The following RYR3 variants were observed in gnomAD, a reference collection of about 807,000 sequenced individuals.
RYR3 encodes the protein brain ryanodine receptor-calcium release channel.
Under a neutral mutation model 584.3 loss-of-function variants are expected in RYR3, and 207 were observed. That is an observed-to-expected ratio of 0.35 (90% CI 0.32 to 0.40). RYR3 has a LOEUF of 0.40. Among genes scored for constraint, RYR3 ranks in the 10% least tolerant of loss-of-function variants. The probability of loss-of-function intolerance (pLI) is 1.00; values close to 1 mark genes in which losing one functional copy is unlikely to be tolerated. For synonymous variants in RYR3, 2,416 were observed against 2,248.5 expected, an observed-to-expected ratio of 1.07 and a Z score of -2.11; for missense variants, 5,616 against 6,089.2, an observed-to-expected ratio of 0.92 and a Z score of 2.59.
intron 3 of RYR3, among the ~76,000 whole-genome samples, chr15:33,507,648 A>C (rs1003453428): frequency 1.3e-5 from 2 of 152,144 alleles, no homozygotes; most frequent in Non-Finnish European, 2.9e-5. Flanking sequence ...CCTCCCTCTA[A>C]GCCCTCAATC....
intron 53 of RYR3, among the ~76,000 whole-genome samples, chr15:33,746,940 C>G (rs1031665869): frequency 1.7e-4 from 25 of 151,246 alleles, no homozygotes; most frequent in African/African-American, 6.1e-4. Context: ...TCCCAAGTAG[C>G]TGGAACTATA....
At chr15:33,607,269 GTAA>G in intron 18 of RYR3, among the ~76,000 whole-genome samples, 1 of 152,270 alleles carries the variant, frequency 6.6e-6, no homozygotes, top group African/African-American at 2.4e-5. Context: ...ACTAAATTCT[GTAA>G]TAATACACCC....
chr15:33,857,849 C>T lies in RYR3; in HGVS notation c.14077C>T (p.Arg4693Cys), dbSNP rs1037322317. Residue 4693 changes from arginine (R) to cysteine (C), a missense_variant, in exon 99 of 104, where the codon CGC (arginine) becomes TGC (cysteine). Arg to Cys is a radical substitution (Grantham distance 180). This residue lies in a region of RYR3 where 918 missense variants were observed against 887.4 expected (regional missense o/e 1.03). Transcript: ENST00000634891. ...LYTVVAFNFF[R>C]KFYNKSEDDD... is the part of the protein sequence containing the mutation. Reference sequence around the variant, plus strand: ...TACTGTGGTGGCTTTCAACTTCTTCCGCAAGTTCTACAACAAAAGCGAAGA... The same window carrying T: ...TACTGTGGTGGCTTTCAACTTCTTCTGCAAGTTCTACAACAAAAGCGAAGA... 5 of 1,614,024 alleles carry T rather than the reference C, an allele frequency of 3.1e-6. No individual in the cohort carries two copies. Among genetic ancestry groups the T allele is most frequent in the Admixed American group, 1.7e-5 (1 of 60,006 alleles).
intron 38 of RYR3, among the ~76,000 whole-genome samples, chr15:33,670,833 T>A (rs1487842432): frequency 5.9e-5 from 9 of 152,122 alleles, no homozygotes; most frequent in Non-Finnish European, 1.3e-4. Flanking sequence ...TGTAAATACA[T>A]GTCTGTTCTT....
At chr15:33,775,293 CTG>C (rs1422737842) in intron 64 of RYR3, among the ~76,000 whole-genome samples, 12 of 151,006 alleles carry the variant, frequency 7.9e-5, no homozygotes, top group Non-Finnish European at 1.3e-4. Context: ...TGTTTCTCAT[CTG>C]TGTGTTGGTT....
intron 1 of RYR3, among the ~76,000 whole-genome samples, chr15:33,358,660 A>AT: frequency 6.6e-6 from 1 of 151,932 alleles, no homozygotes; most frequent in East Asian, 1.9e-4. Flanking sequence ...ATCGTTAAAA[A>AT]AAAAAAAAAA....
At chr15:33,765,348 G>A (rs1013698400) in intron 60 of RYR3, among the ~76,000 whole-genome samples, 1 of 151,906 alleles carries the variant, frequency 6.6e-6, no homozygotes, top group African/African-American at 2.4e-5. Flanking sequence ...AAAATAGTTA[G>A]GAGGCCAGGC....
Position 33,750,295 on chromosome 15 carries a change from C to T in RYR3, c.8399+9C>T. ...GGCATCATAGTTTCCAGGTAAGTCA[C>T]CTTCCATGTGATGCTAGTGGGACAG... On this transcript the variant is annotated intron_variant, in intron 57 of 103. Coordinates refer to ENST00000634891, the MANE Select transcript of RYR3 (RefSeq NM_001036.6). 6.2e-7 allele frequency: 1 copy of T among 1,609,872 alleles called. No individual in the cohort carries two copies. Among genetic ancestry groups the T allele is most frequent in the Non-Finnish European group, 8.5e-7 (1 of 1,177,966 alleles).
At chr15:33,713,889 C>T (rs1028922902) in intron 43 of RYR3, among the ~76,000 whole-genome samples, 3 of 152,130 alleles carry the variant, frequency 2.0e-5, no homozygotes, top group Non-Finnish European at 4.4e-5. Context: ...GGGCTCTGCC[C>T]TTATGACTTA....
At chr15:33,800,943 A>G in intron 68 of RYR3, 86 bp downstream of exon 68, 1 of 961,732 alleles carries the variant, frequency 1.0e-6, no homozygotes, top group Non-Finnish European at 1.7e-6. Flanking sequence ...AGCCAACAGT[A>G]AAATATTCGA....
At chr15:33,810,780 G>A in intron 71 of RYR3, 131 bp downstream of exon 71, 2 of 1,181,498 alleles carry the variant, frequency 1.7e-6, no homozygotes, top group Non-Finnish European at 1.2e-6. Context: ...TGTGTATGGA[G>A]GCAACACGCC....
intron 38 of RYR3, among the ~76,000 whole-genome samples, chr15:33,680,269 A>G (rs1210219863): frequency 6.6e-6 from 1 of 152,232 alleles, no homozygotes; most frequent in Non-Finnish European, 1.5e-5. Context: ...TAAGAACTTC[A>G]TCTCCACATT....
At position 33,636,546 on chromosome 15, in the gene RYR3, G is replaced by T; in HGVS notation, c.3552G>T (p.Glu1184Asp). Reference protein sequence around the residue: ...SELAFADYEIENGFVPICCLG... With the variant: ...SELAFADYEIDNGFVPICCLG... ...TTGCCTTCGCTGACTACGAGATTGA[G>T]AATGGTAAATCTAACACCCTCTGCC... The change falls in exon 27 of 104, where the codon GAG becomes GAT. Residue 1184 changes from glutamate to aspartate, a missense_variant. Around this residue, in one of 9 missense-constraint regions of RYR3, gnomAD observed 152 missense variants for 200.9 expected, o/e 0.76. Transcript: ENST00000634891. The T allele has an allele frequency of 6.3e-7, 1 of 1,585,374 alleles. No homozygotes were observed. The highest frequency in any genetic ancestry group is 2.2e-5 in the East Asian group (1 of 44,678).
chr15:33,865,276 A>G lies in RYR3; in HGVS notation c.*50A>G, dbSNP rs1567375291. ...TTCTGGACAGTCAACTTCCCATGAA[A>G]TAAAGTCCCCTTTTTACAGTTCTGC... On this transcript the variant is annotated 3_prime_UTR_variant, in exon 104 of 104. Coordinates refer to ENST00000634891, the MANE Select transcript of RYR3 (RefSeq NM_001036.6). 2 of 1,336,378 alleles carry G rather than the reference A, an allele frequency of 1.5e-6. No homozygotes were observed. The highest frequency in any genetic ancestry group is 3.6e-5 in the Admixed American group (2 of 55,434). 82.8% of individuals were successfully genotyped at this position (1,336,378 alleles called of 1,614,324 possible).
chr15:33,456,489 G>A (rs2047573214), intron 1 of RYR3, among the ~76,000 whole-genome samples: 1 of 152,150 alleles, frequency 6.6e-6, no homozygotes, highest in Non-Finnish European at 1.5e-5. Context: ...CTTTGCATGT[G>A]AATGTCTTCC....
At position 33,811,007 on chromosome 15, in the gene RYR3, T is replaced by C. The variant is rs780952729; in HGVS notation, c.10227T>C (p.His3409=). Residue 3409 remains histidine, a synonymous_variant, in exon 72 of 104, where the codon CAT becomes CAC. Transcript: ENST00000634891. The stretch of plus-strand genomic sequence containing the variant: ...ACACAGATGAAGAGGTCAGAGAACA[T>C]CTGCGGAACAACTTGCACTTGCAGG... ...HRDTDEEVRE[H]LRNNLHLQEK... is the part of the protein sequence containing the mutation. The C allele has an allele frequency of 6.2e-7, 1 of 1,609,386 alleles. No homozygotes were observed. Among genetic ancestry groups the C allele is most frequent in the Non-Finnish European group, 8.5e-7 (1 of 1,178,112 alleles).
chr15:33,827,673 C>T (rs889764937), intron 85 of RYR3, among the ~76,000 whole-genome samples: 8 of 152,096 alleles, frequency 5.3e-5, no homozygotes, highest in African/African-American at 1.9e-4. Flanking sequence ...TTTACAAGTT[C>T]GTGTTGAGAA....
At chr15:33,758,114 A>G (rs142602456) in intron 60 of RYR3, among the ~76,000 whole-genome samples, 3,007 of 152,292 alleles carry the variant, frequency 0.02, 100 homozygotes, top group African/African-American at 0.068. Context: ...TCTGGCCCAG[A>G]TACTGTGCTC....
rs577820015 is a variant in RYR3 at position 33,664,575 on chromosome 15, A to ATGTGTG, written c.5619+848_5619+853dup. ...TTTATACACATATATATATAGATATATGTGTGTGTGTGTGTATATATATAT... is the reference window on the plus strand; with the variant it reads ...TTTATACACATATATATATAGATATATGTGTGTGTGTGTGTGTGTGTATATATATAT... On this transcript the variant is annotated intron_variant, in intron 36 of 103. Transcript: ENST00000634891. Among the ~76,000 whole-genome samples, 48 of 98,624 alleles carry ATGTGTG rather than the reference A, an allele frequency of 4.9e-4. No homozygotes were observed. The South Asian group carries it at 6.0e-3, about 12-fold the overall frequency. The allele number at this position is 98,624 out of a possible 152,430, so 64.7% of individuals were successfully genotyped here.
Sources: allele counts gnomAD v4.1 joint callset (sites outside exome capture counted in the v4.1 genomes callset), GRCh38; gene constraint gnomAD v4.1.1; regional missense constraint gnomAD v4.1.1; transcripts MANE v1.5; gene names NCBI Gene and HGNC (gene_info 2026-07-23, HGNC 2026-07-21).